Variants in RBFOX1 observed in about 807,000 individuals in gnomAD.
RBFOX1 encodes the protein RNA binding fox-1 homolog 1, also known as RNA binding protein fox-1 homolog 1.
In RBFOX1, 8 loss-of-function variants were observed where a neutral mutation model predicts 57.7. The ratio of observed to expected loss-of-function variants is 0.14; its 90% CI spans 0.08 to 0.25. RBFOX1 has a LOEUF of 0.25. Ranked by LOEUF, RBFOX1 falls within the 10% of genes least tolerant of loss-of-function variation. The probability of loss-of-function intolerance (pLI) is 1.00; values close to 1 mark genes in which losing one functional copy is unlikely to be tolerated. For missense variants in RBFOX1, 611 were observed against 548.5 expected (o/e 1.11, Z -1.14); for synonymous variants, 326 against 222.4 (o/e 1.47, Z -4.15).
intron 1 of RBFOX1, among the ~76,000 whole-genome samples, chr16:6,111,300 C>G (rs763064628): frequency 6.6e-6 from 1 of 152,204 alleles, no homozygotes; most frequent in Non-Finnish European, 1.5e-5. Flanking sequence ...GTGACAACCA[C>G]TCTGTCTCAA....
At chr16:7,472,583 C>T (rs1010799246) in intron 4 of RBFOX1, among the ~76,000 whole-genome samples, 4 of 152,170 alleles carry the variant, frequency 2.6e-5, no homozygotes, top group African/African-American at 4.8e-5. Flanking sequence ...TACTGTGAAA[C>T]GACTCCTTCC....
chr16:5,908,878 A>T (rs745556176), intron 4 of RBFOX1, among the ~76,000 whole-genome samples: 17 of 151,922 alleles, frequency 1.1e-4, no homozygotes, highest in Non-Finnish European at 1.8e-4. Context: ...TCCTTATAGA[A>T]GAGGTCACAG....
At chr16:6,715,342 C>T (rs528092218) in intron 3 of RBFOX1, among the ~76,000 whole-genome samples, 13 of 151,760 alleles carry the variant, frequency 8.6e-5, no homozygotes, top group Admixed American at 5.2e-4. Flanking sequence ...GACCAGGGTG[C>T]GGAGGGACAG....
intron 3 of RBFOX1, among the ~76,000 whole-genome samples, chr16:6,770,708 A>T (rs781045899): frequency 6.6e-6 from 1 of 152,154 alleles, no homozygotes; most frequent in Non-Finnish European, 1.5e-5. Flanking sequence ...AGGCAGATGC[A>T]GATGAGAGGA....
intron 1 of RBFOX1, among the ~76,000 whole-genome samples, chr16:5,398,093 C>G (rs1480677133): frequency 1.3e-5 from 2 of 152,188 alleles, no homozygotes; most frequent in South Asian, 2.1e-4. Flanking sequence ...AACTGAGATT[C>G]AACCTAGACG....
chr16:7,378,674 G>C (rs966865496), intron 4 of RBFOX1, among the ~76,000 whole-genome samples: 42 of 152,060 alleles, frequency 2.8e-4, no homozygotes, highest in African/African-American at 9.4e-4. Context: ...CCCAATGTAG[G>C]CTTTTATTTC....
intron 3 of RBFOX1, among the ~76,000 whole-genome samples, chr16:5,784,123 G>T (rs2054416860): frequency 6.6e-6 from 1 of 152,144 alleles, no homozygotes; most frequent in Non-Finnish European, 1.5e-5. Flanking sequence ...ACGGCAGAAG[G>T]TGAAGAGGAA....
chr16:5,597,148 G>A (rs893207569), intron 2 of RBFOX1, among the ~76,000 whole-genome samples: 5 of 152,082 alleles, frequency 3.3e-5, no homozygotes, highest in African/African-American at 4.8e-5. Flanking sequence ...AGAGTAGGTA[G>A]CTTCTGTCCC....
intron 4 of RBFOX1, among the ~76,000 whole-genome samples, chr16:5,881,743 C>T (rs2057769283): frequency 6.6e-6 from 1 of 152,078 alleles, no homozygotes; most frequent in Non-Finnish European, 1.5e-5. Context: ...CCCCCCAATG[C>T]TAGGTGGTAT....
Position 5,855,857 on chromosome 16 carries a change from G to T in RBFOX1, c.319-11446G>T, listed in dbSNP as rs761711197. ...TTTATTAATCCTATCCGTGAATATC[G>T]GATGTCTTTGCATTTATCTGTCTTA... On this transcript the variant is annotated intron_variant, in intron 3 of 19. Transcript: ENST00000641259. Among the ~76,000 whole-genome samples, 12 of 151,146 alleles carry T rather than the reference G, an allele frequency of 7.9e-5. 1 individual carries two copies. The highest frequency in any genetic ancestry group is 2.6e-4 in the Admixed American group (4 of 15,146).
Position 6,019,258 on chromosome 16 carries a change from C to T in RBFOX1, c.-861C>T, listed in dbSNP as rs551969871. 2.0e-6 allele frequency: 2 copies of T among 985,454 alleles called. No homozygotes were observed. The highest frequency in any genetic ancestry group is 1.1e-4 in the East Asian group (1 of 8,714). 61.0% of individuals were successfully genotyped at this position (985,454 alleles called of 1,614,324 possible). A position where few individuals can be genotyped will look rare whatever the true frequency, so the allele number is the denominator to read the frequency against. ...GCACACACCGCTCCCTCGATCACCC[C>T]AGCCCCCTTCCTGGTCTCCCGAGCG... On this transcript the variant is annotated 5_prime_UTR_variant, in exon 1 of 16. Coordinates refer to ENST00000550418, the MANE Select transcript of RBFOX1 (RefSeq NM_018723.4). The surrounding 1 kb of genome is among the most constrained non-coding windows in gnomAD (Gnocchi z 4.2).
chr16:6,052,258 C>A (rs1447452865), intron 1 of RBFOX1, among the ~76,000 whole-genome samples: 3 of 152,110 alleles, frequency 2.0e-5, no homozygotes, highest in Non-Finnish European at 4.4e-5. Flanking sequence ...CTTCTTACTT[C>A]GTTCCTGCTG....
At chr16:6,595,849 G>A (rs191456004) in intron 2 of RBFOX1, among the ~76,000 whole-genome samples, 2 of 152,028 alleles carry the variant, frequency 1.3e-5, no homozygotes, top group Admixed American at 6.5e-5. Flanking sequence ...GGCATTTGTT[G>A]TATCTTCTTT....
At chr16:6,148,747 A>T (rs1443960298) in intron 1 of RBFOX1, among the ~76,000 whole-genome samples, 1 of 152,210 alleles carries the variant, frequency 6.6e-6, no homozygotes, top group South Asian at 2.1e-4. Context: ...ACTTCGCTTT[A>T]TCTAATAGTG....
intron 3 of RBFOX1, among the ~76,000 whole-genome samples, chr16:5,769,743 G>T (rs920010419): frequency 1.3e-5 from 2 of 152,122 alleles, no homozygotes; most frequent in Non-Finnish European, 2.9e-5. Flanking sequence ...CAGTGAGAGG[G>T]TCCTGGAACA....
intron 2 of RBFOX1, among the ~76,000 whole-genome samples, chr16:6,544,728 T>G (rs1279110574): frequency 6.6e-6 from 1 of 152,182 alleles, no homozygotes; most frequent in African/African-American, 2.4e-5. Context: ...AACCTCAGTT[T>G]CCTTGTTTGT....
chr16:5,942,607 G>T (rs2059305219), intron 4 of RBFOX1, among the ~76,000 whole-genome samples: 1 of 152,046 alleles, frequency 6.6e-6, no homozygotes, highest in African/African-American at 2.4e-5. Flanking sequence ...CTAAATTTGT[G>T]GGCTTTTATT....
At chr16:7,499,937 G>T (rs866806952) in intron 4 of RBFOX1, among the ~76,000 whole-genome samples, 2 of 151,228 alleles carry the variant, frequency 1.3e-5, no homozygotes, top group South Asian at 4.2e-4. Flanking sequence ...TCTTCCCTCT[G>T]ATTTACCAAT....
At chr16:7,303,256 G>T (rs1042889469) in intron 4 of RBFOX1, among the ~76,000 whole-genome samples, 7 of 152,246 alleles carry the variant, frequency 4.6e-5, no homozygotes, top group South Asian at 2.1e-4. Context: ...GGGGTGCATC[G>T]GCGCTTCGGT....
Sources: allele counts gnomAD v4.1 joint callset (sites outside exome capture counted in the v4.1 genomes callset), GRCh38; gene constraint gnomAD v4.1.1; non-coding constraint Gnocchi (gnomAD v3.1); transcripts MANE v1.5; gene names NCBI Gene and HGNC (gene_info 2026-07-23, HGNC 2026-07-21).